Variants in CRACD observed in about 807,000 individuals in gnomAD.
The protein encoded by CRACD is capping protein inhibiting regulator of actin dynamics, also known as capping protein-inhibiting regulator of actin dynamics.
A neutral mutation model predicts 106.8 loss-of-function variants in CRACD; 56 were observed. The ratio of observed to expected loss-of-function variants is 0.52; its 90% CI spans 0.42 to 0.66. The LOEUF is 0.66. Ranked by LOEUF, CRACD falls within the 30% of genes least tolerant of loss-of-function variation. The pLI, the probability that CRACD is intolerant of heterozygous loss-of-function variation, is 0.00. For synonymous variants in CRACD, 754 were observed against 670.8 expected (o/e 1.12, Z -1.92); for missense variants, 1,730 against 1,623.2 (o/e 1.07, Z -1.13).
chr4:56,057,802 TTTTTTTTTTTTG>T (rs1732131590), intron 1 of CRACD, among the ~76,000 whole-genome samples: 1 of 105,008 alleles, frequency 9.5e-6, no homozygotes, highest in Non-Finnish European at 1.8e-5. Context: ...TTTTTGTATT[TTTTTTTTTTTTG>T]TTTTTTTTTT....
chr4:56,210,347 C>G (rs1375917623), intron 2 of CRACD, among the ~76,000 whole-genome samples: 1 of 152,152 alleles, frequency 6.6e-6, no homozygotes, highest in Non-Finnish European at 1.5e-5. Flanking sequence ...TAAAAACTAG[C>G]TATATTTACC....
At chr4:56,288,748 C>T (rs1743525592) in intron 3 of CRACD, among the ~76,000 whole-genome samples, 1 of 151,990 alleles carries the variant, frequency 6.6e-6, no homozygotes, top group Non-Finnish European at 1.5e-5. Context: ...CACCTATTTA[C>T]TTTTTCAGCC....
intron 1 of CRACD, among the ~76,000 whole-genome samples, chr4:56,105,861 G>A (rs994798619): frequency 4.0e-5 from 6 of 151,396 alleles, no homozygotes; most frequent in African/African-American, 1.5e-4. Flanking sequence ...ATTCATTCCT[G>A]TAAAATGTAA....
chr4:56,070,847 C>CTGTGTGTGTG (rs60372588), intron 1 of CRACD, among the ~76,000 whole-genome samples: 12,820 of 120,294 alleles, frequency 0.11, 1,061 homozygotes, highest in Middle Eastern at 0.12. Context: ...AGGGGCTATG[C>CTGTGTGTGTG]TGTGTGTGTG....
At chr4:56,146,956 C>T (rs187022216) in intron 1 of CRACD, among the ~76,000 whole-genome samples, 44 of 152,128 alleles carry the variant, frequency 2.9e-4, no homozygotes, top group African/African-American at 9.9e-4. Context: ...CTGGGCTGAG[C>T]GAAGGGGTTT....
intron 1 of CRACD, among the ~76,000 whole-genome samples, chr4:56,127,340 C>A (rs1348033725): frequency 1.3e-5 from 2 of 152,150 alleles, no homozygotes; most frequent in African/African-American, 4.8e-5. Context: ...ATTTATATCT[C>A]TGCATAAGCT....
chr4:56,243,191 A>C (rs545507468), intron 2 of CRACD, among the ~76,000 whole-genome samples: 1 of 152,190 alleles, frequency 6.6e-6, no homozygotes, highest in African/African-American at 2.4e-5. Flanking sequence ...TTTCTGCTTC[A>C]TTCTCTTAAA....
At chr4:56,090,281 G>T (rs1733382426) in intron 1 of CRACD, among the ~76,000 whole-genome samples, 1 of 152,042 alleles carries the variant, frequency 6.6e-6, no homozygotes, top group Admixed American at 6.6e-5. Flanking sequence ...GACTGCACTG[G>T]GGTCGTCTGC....
chr4:56,316,815 T>G, intron 8 of CRACD, 126 bp downstream of exon 8: 1 of 1,183,392 alleles, frequency 8.5e-7, no homozygotes, highest in South Asian at 1.6e-5. Flanking sequence ...AAGGAAAGTT[T>G]TATTAGAACG....
rs367552428 is a variant in CRACD at position 56,313,368 on chromosome 4, C to A, written c.526C>A (p.Arg176Ser). The A allele has an allele frequency of 1.4e-5, 22 of 1,613,464 alleles. No individual in the cohort carries two copies. Among genetic ancestry groups the A allele is most frequent in the Non-Finnish European group, 1.8e-5 (21 of 1,179,918 alleles). The change falls in exon 7 of 11, where the codon CGC (arginine) becomes AGC (serine). Residue 176 changes from arginine (R) to serine (S), a missense_variant. This residue lies in a region of CRACD where 1,620 missense variants were observed against 1,481.6 expected (regional missense o/e 1.09). Coordinates refer to ENST00000682029, the MANE Select transcript of CRACD (RefSeq NM_001393381.1). ...ACAGAGGGTGTCAAAGAAGCACAGG[C>A]GCCTTGCCCAGGTGTGTAGAGCCTG... ...KKQRVSKKHR[R>S]LAQDPQHEQG...
intron 1 of CRACD, among the ~76,000 whole-genome samples, chr4:56,117,312 T>G (rs1419234743): frequency 1.3e-5 from 2 of 152,168 alleles, no homozygotes; most frequent in Non-Finnish European, 2.9e-5. Context: ...TGAGCCTCCG[T>G]GCCCGGCCCG....
chr4:56,155,158 T>C (rs1320477039), intron 1 of CRACD, among the ~76,000 whole-genome samples: 1 of 152,086 alleles, frequency 6.6e-6, no homozygotes, highest in Non-Finnish European at 1.5e-5. Flanking sequence ...CTGTGGCAGA[T>C]TGGCACAAGT....
At chr4:56,309,098 G>A (rs1440856956) in intron 5 of CRACD, 2 of 433,852 alleles carry the variant, frequency 4.6e-6, no homozygotes, top group South Asian at 1.7e-5. Flanking sequence ...AATAAAACAG[G>A]GTAATGGAAA....
In CRACD at chr4:56,264,203, C is replaced by G. The variant is rs74580096; in HGVS notation, c.-188-8118C>G. The stretch of plus-strand genomic sequence containing the variant: ...AAGGGAGAAATCTGCCCTCATGATT[C>G]AGTCATCTCCCACCAGGCCCCGCCT... On this transcript the variant is annotated intron_variant, in intron 2 of 10. Coordinates refer to ENST00000682029, the MANE Select transcript of CRACD (RefSeq NM_001393381.1). Among the ~76,000 whole-genome samples, 124 of 152,250 alleles carry G rather than the reference C, an allele frequency of 8.1e-4. 2 individuals are homozygous for G. Among genetic ancestry groups the G allele is most frequent in the African/African-American group, 2.9e-3 (121 of 41,550 alleles).
chr4:56,140,278 C>A (rs1159282216), intron 1 of CRACD, among the ~76,000 whole-genome samples: 1 of 152,200 alleles, frequency 6.6e-6, no homozygotes, highest in Non-Finnish European at 1.5e-5. Flanking sequence ...GTTCTCTAGT[C>A]TTTGCTCTGG....
At chr4:56,275,650 T>C (rs1742632898) in intron 3 of CRACD, among the ~76,000 whole-genome samples, 1 of 152,258 alleles carries the variant, frequency 6.6e-6, no homozygotes, top group Non-Finnish European at 1.5e-5. Context: ...GAAATTCTTA[T>C]TTTTAGTTCA....
At position 56,287,288 on chromosome 4, in the gene CRACD, C is replaced by T. The variant is rs555103469; in HGVS notation, c.-16-10926C>T. ...TGCAAATGTGCAGCACTATACTTGGCTAATTTTTTTTTTTTTGATACAGAG... is the reference window on the plus strand; with the variant it reads ...TGCAAATGTGCAGCACTATACTTGGTTAATTTTTTTTTTTTTGATACAGAG... On this transcript the variant is annotated intron_variant, in intron 3 of 10. Transcript: ENST00000682029. Among the ~76,000 whole-genome samples, 34 of 148,718 alleles carry T rather than the reference C, an allele frequency of 2.3e-4. 1 individual carries two copies. The South Asian group carries it at 5.9e-3, about 26-fold the overall frequency.
chr4:56,050,017 GT>G (rs1731816659), intron 1 of CRACD: 1 of 151,362 alleles, frequency 6.6e-6, no homozygotes, highest in African/African-American at 2.4e-5. Context: ...GATACGGTGG[GT>G]GGGGTATGGC....
chr4:56,295,478 C>T (rs774696423), intron 3 of CRACD, among the ~76,000 whole-genome samples: 1 of 151,452 alleles, frequency 6.6e-6, no homozygotes, highest in African/African-American at 2.4e-5. Context: ...AGATCTTTGC[C>T]GGCAACAGGA....
Sources: allele counts gnomAD v4.1 joint callset (sites outside exome capture counted in the v4.1 genomes callset), GRCh38; gene constraint gnomAD v4.1.1; regional missense constraint gnomAD v4.1.1; transcripts MANE v1.5; gene names NCBI Gene and HGNC (gene_info 2026-07-23, HGNC 2026-07-21).